Variants in SPACA1 observed in about 807,000 individuals in gnomAD.
The protein encoded by SPACA1 is sperm acrosome membrane-associated protein 1.
SPACA1 carries 17 observed loss-of-function variants against 32.6 expected under a neutral mutation model. The ratio of observed to expected loss-of-function variants is 0.52; its 90% CI spans 0.36 to 0.78. SPACA1 has a LOEUF of 0.78. Among genes scored for constraint, SPACA1 ranks in the 30% least tolerant of loss-of-function variants. The probability of loss-of-function intolerance (pLI) is 0.01; values close to 1 mark genes in which losing one functional copy is unlikely to be tolerated. For missense variants in SPACA1, 363 were observed against 373.4 expected, an observed-to-expected ratio of 0.97 and a Z score of 0.23; for synonymous variants, 140 against 138.1, an observed-to-expected ratio of 1.01 and a Z score of -0.10.
At chr6:88,047,643 G>A (rs1244760601), upstream of SPACA1, 4 of 399,780 alleles carry the variant, frequency 1.0e-5, no homozygotes, top group East Asian at 7.6e-5. Context: ...CCGGTTGCGG[G>A]GAAGGGCGGC....
intron 1 of SPACA1, among the ~76,000 whole-genome samples, chr6:88,053,438 T>C (rs1775760463): frequency 6.6e-6 from 1 of 152,248 alleles, no homozygotes; most frequent in South Asian, 2.1e-4. Flanking sequence ...TGTAAAGTGT[T>C]GAAATAAATT....
At chr6:88,058,695 A>T in intron 3 of SPACA1, 21 bp from the exon 4 acceptor site, 2 of 1,544,472 alleles carry the variant, frequency 1.3e-6, no homozygotes, top group Non-Finnish European at 1.8e-6. Flanking sequence ...AATGGTATTT[A>T]TGTGCTTAAT....
At position 88,048,124 on chromosome 6, in the gene SPACA1, G is replaced by C. The variant is rs777344108; in HGVS notation, c.208+11G>C. ...CTGAAACCGAGGATGGTGAGGGCGGGAGCTCCCTTGCGGGGCACGCGGAGG... is the reference window on the plus strand; with the variant it reads ...CTGAAACCGAGGATGGTGAGGGCGGCAGCTCCCTTGCGGGGCACGCGGAGG... On this transcript the variant is annotated intron_variant, in intron 1 of 6. Transcript: ENST00000237201. The C allele has an allele frequency of 1.9e-6, 3 of 1,577,764 alleles. No homozygotes were observed. In the African/African-American group the frequency reaches 4.0e-5, roughly 21 times the overall value.
At chr6:88,054,924 G>A (rs1355069695) in intron 2 of SPACA1, among the ~76,000 whole-genome samples, 3 of 151,972 alleles carry the variant, frequency 2.0e-5, no homozygotes, top group South Asian at 4.1e-4. Context: ...CGCCCATCTC[G>A]AGAACTTTTT....
chr6:88,049,805 C>T (rs1288302536), intron 1 of SPACA1, among the ~76,000 whole-genome samples: 1 of 152,164 alleles, frequency 6.6e-6, no homozygotes, highest in Non-Finnish European at 1.5e-5. Context: ...AAGTGCTCAA[C>T]TGTTAAGCAT....
chr6:88,047,419 T>G (rs373951472), upstream of SPACA1, among the ~76,000 whole-genome samples: 1 of 152,224 alleles, frequency 6.6e-6, no homozygotes, highest in African/African-American at 2.4e-5. Context: ...TAAGAAATTT[T>G]GAAACCAAGT....
At chr6:88,053,875 C>A (rs1775766064) in intron 1 of SPACA1, 71 bp from the exon 2 acceptor site, 13 of 1,298,944 alleles carry the variant, frequency 1.0e-5, no homozygotes, top group Non-Finnish European at 1.4e-5. Context: ...CTTTCATCTC[C>A]AAGTAAGAGG....
chr6:88,059,702 T>G lies in SPACA1; in HGVS notation c.610+114T>G, dbSNP rs369752977. On this transcript the variant is annotated intron_variant, in intron 5 of 6. Coordinates refer to ENST00000237201, the MANE Select transcript of SPACA1 (RefSeq NM_030960.3). Reference sequence around the variant, plus strand: ...CTAGCCCTCCCCCCAGAGTTTCTGATTCAGTAGATTTGGGATGGGACTGGA... The same window carrying G: ...CTAGCCCTCCCCCCAGAGTTTCTGAGTCAGTAGATTTGGGATGGGACTGGA... 5.2e-5 allele frequency: 56 copies of G among 1,073,188 alleles called. 1 individual carries two copies. In the South Asian group the frequency reaches 1.2e-3, roughly 22 times the overall value. 66.5% of individuals were successfully genotyped at this position (1,073,188 alleles called of 1,614,324 possible).
chr6:88,055,411 T>C (rs1775792120), intron 2 of SPACA1, among the ~76,000 whole-genome samples: 1 of 152,154 alleles, frequency 6.6e-6, no homozygotes, highest in African/African-American at 2.4e-5. Context: ...ATGTAATGTA[T>C]CAGATGGTAA....
intron 1 of SPACA1, among the ~76,000 whole-genome samples, chr6:88,050,491 TG>T (rs1775712809): frequency 6.6e-6 from 1 of 152,242 alleles, no homozygotes; most frequent in Admixed American, 6.5e-5. Flanking sequence ...AATTGTGAAA[TG>T]TTTTTCTCTG....
intron 5 of SPACA1, among the ~76,000 whole-genome samples, chr6:88,061,920 A>G (rs1003955100): frequency 1.3e-5 from 2 of 152,154 alleles, no homozygotes; most frequent in Non-Finnish European, 2.9e-5. Context: ...TACTGTTGTA[A>G]TAAATAAAAT....
In SPACA1 at chr6:88,064,228, A is replaced by C. The variant is rs1775943469; in HGVS notation, c.731+9A>C. On this transcript the variant is annotated intron_variant, in intron 6 of 6. Coordinates refer to ENST00000237201, the MANE Select transcript of SPACA1 (RefSeq NM_030960.3). Reference sequence around the variant, plus strand: ...TTCATAATCATAAATTGGTAGGTGAATAGTGGAATGCATCATCACCCTTGA... The same window carrying C: ...TTCATAATCATAAATTGGTAGGTGACTAGTGGAATGCATCATCACCCTTGA... 1 of 1,606,826 alleles carries C rather than the reference A, an allele frequency of 6.2e-7. No individual in the cohort carries two copies. Among genetic ancestry groups the C allele is most frequent in the African/African-American group, 1.3e-5 (1 of 74,390 alleles).
At chr6:88,052,287 T>C (rs918127470) in intron 1 of SPACA1, among the ~76,000 whole-genome samples, 3 of 152,188 alleles carry the variant, frequency 2.0e-5, no homozygotes, top group African/African-American at 7.2e-5. Context: ...GTAGAATGCC[T>C]AGTGATTGAC....
chr6:88,054,181 T>G (rs80203541), intron 2 of SPACA1, among the ~76,000 whole-genome samples, 179 bp downstream of exon 2: 3,751 of 152,192 alleles, frequency 0.025, 173 homozygotes, highest in African/African-American at 0.085. Flanking sequence ...CTGTAAGATA[T>G]TTTCAGTTTA....
At position 88,066,489 on chromosome 6, in the gene SPACA1, T is replaced by G; in HGVS notation, c.*154T>G. On this transcript the variant is annotated 3_prime_UTR_variant, in exon 7 of 7. Coordinates refer to ENST00000237201, the MANE Select transcript of SPACA1 (RefSeq NM_030960.3). ...TGTGGGGATAGGACTATTTTATCAGTGCATTTTTCCAGTACAGTTATCAAA... is the reference window on the plus strand; with the variant it reads ...TGTGGGGATAGGACTATTTTATCAGGGCATTTTTCCAGTACAGTTATCAAA... 8.8e-6 allele frequency: 5 copies of G among 570,498 alleles called. No individual in the cohort carries two copies. The highest frequency in any genetic ancestry group is 1.3e-5 in the Non-Finnish European group (5 of 370,538). 35.3% of individuals were successfully genotyped at this position (570,498 alleles called of 1,614,324 possible). A position where few individuals can be genotyped will look rare whatever the true frequency, so the allele number is the denominator to read the frequency against.
intron 1 of SPACA1, 60 bp from the exon 2 acceptor site, chr6:88,053,886 T>A: frequency 7.3e-7 from 1 of 1,378,374 alleles, no homozygotes; most frequent in Non-Finnish European, 1.0e-6. Flanking sequence ...AAGTAAGAGG[T>A]GTTTCACTTA....
Position 88,064,170 on chromosome 6 carries a change from A to G in SPACA1, c.682A>G (p.Ile228Val), listed in dbSNP as rs1438681396. 13 of 1,613,058 alleles carry G rather than the reference A, an allele frequency of 8.1e-6. No individual in the cohort carries two copies. The highest frequency in any genetic ancestry group is 1.1e-5 in the Non-Finnish European group (13 of 1,179,430). ...AATTTTTGTGCTGACCATAGGAGTC[A>G]TTATCTGTGTATTTATAATTTTCTT... The part of the protein sequence containing the change: ...ALIFVLTIGV[I>V]ICVFIIFLLI... The change falls in exon 6 of 7, where the codon ATT (isoleucine) becomes GTT (valine). Residue 228 changes from isoleucine to valine, a missense_variant. Transcript: ENST00000237201.
intron 2 of SPACA1, 93 bp downstream of exon 2, chr6:88,054,095 C>A: frequency 9.9e-7 from 1 of 1,012,970 alleles, no homozygotes; most frequent in Admixed American, 2.0e-5. Flanking sequence ...AACTTGTGTA[C>A]TTTCATGCAT....
intron 6 of SPACA1, 79 bp downstream of exon 6, chr6:88,064,298 C>A: frequency 6.9e-7 from 1 of 1,454,270 alleles, no homozygotes; most frequent in South Asian, 1.3e-5. Context: ...AATTGCAAAG[C>A]CCTGTCCGTG....
Sources: allele counts gnomAD v4.1 joint callset (sites outside exome capture counted in the v4.1 genomes callset), GRCh38; gene constraint gnomAD v4.1.1; transcripts MANE v1.5; gene names NCBI Gene and HGNC (gene_info 2026-07-23, HGNC 2026-07-21).